Variants in FAAH2 observed in about 807,000 individuals in gnomAD.
FAAH2 encodes fatty-acid amide hydrolase 2.
In FAAH2, 60 loss-of-function variants were observed where a neutral mutation model predicts 36.9. The observed-to-expected ratio is 1.63, with a 90% confidence interval of 1.32 to 2.02. The LOEUF (loss-of-function observed/expected upper bound fraction) is 2.02, where lower values mean the gene tolerates loss of function less well. FAAH2 is among the 30% of genes most tolerant of loss of function. FAAH2 has a pLI of 0.00. For synonymous variants in FAAH2, 214 were observed against 143.8 expected (o/e 1.49, Z -3.49); for missense variants, 689 against 397.5 (o/e 1.73, Z -6.23).
intron 5 of FAAH2, among the ~76,000 whole-genome samples, chrX:57,347,857 T>TTGA (rs2053871512): frequency 9.1e-6 from 1 of 109,923 alleles, no homozygotes; most frequent in African/African-American, 3.3e-5. Context: ...TTTTTTGATG[T>TTGA]TGTTACTTAG....
chrX:57,202,697 G>A, the FAAH2 span, among the ~76,000 whole-genome samples: 1 of 111,835 alleles, frequency 8.9e-6, no homozygotes, highest in Non-Finnish European at 1.9e-5. Context: ...GGTAAATCCA[G>A]CCAGGCCTAT....
intron 3 of FAAH2, among the ~76,000 whole-genome samples, chrX:57,314,653 A>T (rs1417466765): frequency 9.0e-6 from 1 of 111,525 alleles, no homozygotes; most frequent in Non-Finnish European, 1.9e-5. Context: ...TAAGGCATAA[A>T]TCAAAAAAAG....
At chrX:57,234,688 C>T in the FAAH2 span, among the ~76,000 whole-genome samples, 6 of 111,117 alleles carry the variant, frequency 5.4e-5, no homozygotes, top group Middle Eastern at 4.7e-3. Context: ...GAATCTAATG[C>T]AGCCAGTGAT....
At chrX:57,238,811 A>G in the FAAH2 span, among the ~76,000 whole-genome samples, 1 of 110,918 alleles carries the variant, frequency 9.0e-6, no homozygotes, top group East Asian at 2.8e-4. Flanking sequence ...CCTCACCCTC[A>G]CGTAAACTAT....
At chrX:57,286,624 C>A, upstream of FAAH2, 1 of 337,320 alleles carries the variant, frequency 3.0e-6, no homozygotes. Flanking sequence ...TGCACACAGG[C>A]AGCTGCTGGG....
chrX:57,396,375 G>GTTTTTTTTTT (rs151133925), intron 7 of FAAH2, among the ~76,000 whole-genome samples: 3 of 84,195 alleles, frequency 3.6e-5, no homozygotes, highest in African/African-American at 8.7e-5. Context: ...TAGGTTTAGT[G>GTTTTTTTTTT]TTTTTTTTTT....
In FAAH2 at chrX:57,341,374, A is replaced by G. The variant is rs1394921739; in HGVS notation, c.726A>G (p.Gly242=). ...CTGCTTTCTTCAATGGTATATTTGG[A>G]CACAAGCCTTCTCCAGGTAATGTTA... is the stretch of plus-strand genomic sequence containing the variant. ...RMPAFFNGIF[G]HKPSPGVVPN... is the part of the protein sequence containing the mutation. Residue 242 remains glycine (G), a synonymous_variant, in exon 5 of 11, where the codon GGA becomes GGG. Transcript: ENST00000374900. 1 of 1,207,321 alleles carries G rather than the reference A, an allele frequency of 8.3e-7. No individual in the cohort carries two copies. The highest frequency in any genetic ancestry group is 1.8e-5 in the African/African-American group (1 of 56,985).
At chrX:57,311,691 C>T (rs903461775) in intron 3 of FAAH2, among the ~76,000 whole-genome samples, 5 of 112,390 alleles carry the variant, frequency 4.4e-5, no homozygotes, top group Non-Finnish European at 7.5e-5. Flanking sequence ...AGCTTTCCTG[C>T]CTTTCAGCTA....
At chrX:57,456,024 C>T (rs967719409) in intron 10 of FAAH2, among the ~76,000 whole-genome samples, 1 of 111,749 alleles carries the variant, frequency 8.9e-6, no homozygotes, top group African/African-American at 3.3e-5. Context: ...ATACACAGAA[C>T]ATATTCTAAG....
At chrX:57,237,232 A>G in the FAAH2 span, among the ~76,000 whole-genome samples, 3 of 111,598 alleles carry the variant, frequency 2.7e-5, no homozygotes, top group African/African-American at 9.7e-5. Flanking sequence ...TTTTTATACA[A>G]GTACCATGCC....
Position 57,311,435 on chromosome X carries a change from A to G in FAAH2, c.412+706A>G, listed in dbSNP as rs10126558. ...ATCTTTGGGATCCTAGCTATAGGGGAACCCTTGTCGCCCGTGGGTGTATGA... is the reference window on the plus strand; with the variant it reads ...ATCTTTGGGATCCTAGCTATAGGGGGACCCTTGTCGCCCGTGGGTGTATGA... On this transcript the variant is annotated intron_variant, in intron 3 of 10. Transcript: ENST00000374900. Among the ~76,000 whole-genome samples the G allele has an allele frequency of 8.9e-3, 1,000 of 111,905 alleles. 11 individuals are homozygous for G. The highest frequency in any genetic ancestry group is 0.031 in the African/African-American group (962 of 30,833).
chrX:57,478,061 C>G (rs2057305154), intron 10 of FAAH2, among the ~76,000 whole-genome samples: 1 of 111,980 alleles, frequency 8.9e-6, no homozygotes, highest in Non-Finnish European at 1.9e-5. Flanking sequence ...GAGGAATCAC[C>G]ACACTGTCTT....
the FAAH2 span, among the ~76,000 whole-genome samples, chrX:57,202,476 C>T: frequency 1.8e-5 from 2 of 111,747 alleles, no homozygotes; most frequent in Admixed American, 9.5e-5. Flanking sequence ...TCTTTACTTT[C>T]TCCTAAGCAA....
intron 7 of FAAH2, chrX:57,395,256 T>C (rs2055266173): frequency 1.6e-6 from 1 of 638,139 alleles, no homozygotes; most frequent in Non-Finnish European, 2.6e-6. Flanking sequence ...TCACATTATA[T>C]AAAGATTGGA....
chrX:57,461,395 A>G (rs1602740755), intron 10 of FAAH2, among the ~76,000 whole-genome samples: 1 of 111,691 alleles, frequency 9.0e-6, no homozygotes, highest in South Asian at 3.7e-4. Context: ...TTGACCACAT[A>G]GTTGGAAGTA....
intron 8 of FAAH2, among the ~76,000 whole-genome samples, chrX:57,439,915 T>C (rs1417079728): frequency 4.5e-5 from 5 of 111,683 alleles, no homozygotes; most frequent in Non-Finnish European, 9.4e-5. Flanking sequence ...TGGTTGTAGA[T>C]ATGTGGCATT....
intron 8 of FAAH2, among the ~76,000 whole-genome samples, chrX:57,442,091 T>G (rs1407733240): frequency 1.8e-5 from 2 of 111,547 alleles, no homozygotes; most frequent in Non-Finnish European, 3.8e-5. Context: ...TTCTGTTGAT[T>G]TGGGGTGGAG....
the FAAH2 span, among the ~76,000 whole-genome samples, chrX:57,240,124 TC>T: frequency 8.9e-6 from 1 of 112,063 alleles, no homozygotes; most frequent in Non-Finnish European, 1.9e-5. Flanking sequence ...GTTTCAGAGT[TC>T]TTGCACTGGT....
chrX:57,171,266 T>TAG, the FAAH2 span, among the ~76,000 whole-genome samples: 6 of 111,701 alleles, frequency 5.4e-5, no homozygotes, highest in African/African-American at 2.0e-4. Flanking sequence ...TTCCTTTGGG[T>TAG]AGATACTCAG....
Sources: allele counts gnomAD v4.1 joint callset (sites outside exome capture counted in the v4.1 genomes callset), GRCh38; gene constraint gnomAD v4.1.1; transcripts MANE v1.5; gene names NCBI Gene and HGNC (gene_info 2026-07-23, HGNC 2026-07-21).